PRKN: variants seen among roughly 807,000 people sequenced by gnomAD.
The protein encoded by PRKN is E3 ubiquitin-protein ligase parkin.
Under a neutral mutation model 59.5 loss-of-function variants are expected in PRKN, and 56 were observed. That is an observed-to-expected ratio of 0.94 (90% confidence interval 0.76 to 1.18). PRKN has a LOEUF of 1.18. Among genes scored for constraint, PRKN ranks in the 50% most tolerant of loss-of-function variants. The probability of loss-of-function intolerance (pLI) is 0.00; values close to 1 mark genes in which losing one functional copy is unlikely to be tolerated. For missense variants in PRKN, 657 were observed against 596.4 expected, an observed-to-expected ratio of 1.10 and a Z score of -1.06; for synonymous variants, 250 against 222.1, an observed-to-expected ratio of 1.13 and a Z score of -1.12.
chr6:161,733,959 T>TAC (rs10597403), intron 7 of PRKN, among the ~76,000 whole-genome samples: 1,364 of 133,616 alleles, frequency 0.01, 11 homozygotes, highest in Non-Finnish European at 0.014. Context: ...AAAATTCATT[T>TAC]ACACACACAC....
chr6:161,707,042 C>T (rs1247927875), intron 7 of PRKN, among the ~76,000 whole-genome samples: 1 of 152,092 alleles, frequency 6.6e-6, no homozygotes, highest in Non-Finnish European at 1.5e-5. Flanking sequence ...TCTCATAAAG[C>T]TTTCAATTTT....
At chr6:161,659,443 C>A (rs1217511331) in intron 7 of PRKN, among the ~76,000 whole-genome samples, 1 of 152,084 alleles carries the variant, frequency 6.6e-6, no homozygotes, top group African/African-American at 2.4e-5. Context: ...TGAGACTGTC[C>A]TATTTGTCTA....
Position 161,544,133 on chromosome 6 carries a change from A to C in PRKN, c.1083+4721T>G, listed in dbSNP as rs974022389. 1.3e-5 allele frequency among the ~76,000 whole-genome samples: 2 copies of C among 152,222 alleles called. No homozygotes were observed. The highest frequency in any genetic ancestry group is 4.8e-5 in the African/African-American group (2 of 41,460). ...AATATTCTGTGCTGAGTCAAAACTGAAATCTCAGTTCTCCCAAGAGTAAGA... is the reference window on the plus strand; with the variant it reads ...AATATTCTGTGCTGAGTCAAAACTGCAATCTCAGTTCTCCCAAGAGTAAGA... On this transcript the variant is annotated intron_variant, in intron 9 of 11. Transcript: ENST00000366898. This position sits in a 1 kb window ranked among gnomAD's most constrained non-coding sequence, Gnocchi z 5.5.
At chr6:162,531,940 CAAAA>C (rs35097200) in intron 1 of PRKN, among the ~76,000 whole-genome samples, 48,875 of 106,270 alleles carry the variant, frequency 0.46, 9,608 homozygotes, top group Middle Eastern at 0.6. Flanking sequence ...ACTCTGACTC[CAAAA>C]AAAAAAAAAA....
intron 6 of PRKN, among the ~76,000 whole-genome samples, chr6:161,925,483 A>G (rs1477162845): frequency 6.6e-6 from 1 of 152,056 alleles, no homozygotes; most frequent in Non-Finnish European, 1.5e-5. Context: ...AGGTAAGAGA[A>G]TCGCTTGAGC....
chr6:161,707,196 G>A (rs75898444), intron 7 of PRKN, among the ~76,000 whole-genome samples: 2,078 of 152,216 alleles, frequency 0.014, 55 homozygotes, highest in African/African-American at 0.048. Flanking sequence ...TTGGAAATGT[G>A]GTTACTTGTG....
chr6:162,037,334 G>A (rs1442623459), intron 5 of PRKN, among the ~76,000 whole-genome samples: 2 of 152,152 alleles, frequency 1.3e-5, no homozygotes, highest in African/African-American at 4.8e-5. Context: ...TGTATCTCTT[G>A]ATATGGATAA....
At chr6:162,704,475 C>T (rs892317613) in intron 1 of PRKN, among the ~76,000 whole-genome samples, 6 of 152,100 alleles carry the variant, frequency 3.9e-5, no homozygotes, top group African/African-American at 1.4e-4. Context: ...TACATGAATG[C>T]CTCAGTCTGT....
intron 4 of PRKN, among the ~76,000 whole-genome samples, chr6:162,150,479 G>A (rs1250871032): frequency 6.6e-6 from 1 of 152,156 alleles, no homozygotes; most frequent in Non-Finnish European, 1.5e-5. Flanking sequence ...CAGAGCCCCT[G>A]GCAGGATTCG....
intron 1 of PRKN, among the ~76,000 whole-genome samples, chr6:162,534,311 C>CTGG (rs1778631625): frequency 6.6e-6 from 1 of 152,144 alleles, no homozygotes; most frequent in Non-Finnish European, 1.5e-5. Flanking sequence ...CTTCTTCCTG[C>CTGG]TGGTACCTCT....
intron 1 of PRKN, among the ~76,000 whole-genome samples, chr6:162,502,584 G>T (rs1473994976): frequency 6.8e-6 from 1 of 147,432 alleles, no homozygotes; most frequent in Non-Finnish European, 1.5e-5. Flanking sequence ...TCTTTCAGTT[G>T]AATAATTACA....
chr6:162,451,592 A>AGG (rs1790630954), intron 1 of PRKN, among the ~76,000 whole-genome samples: 1 of 152,070 alleles, frequency 6.6e-6, no homozygotes, highest in Non-Finnish European at 1.5e-5. Flanking sequence ...AGAGAGAGAG[A>AGG]GAATCAAATA....
intron 2 of PRKN, among the ~76,000 whole-genome samples, chr6:162,278,960 T>C (rs184479375): frequency 5.3e-5 from 8 of 151,674 alleles, no homozygotes; most frequent in African/African-American, 2.0e-4. Flanking sequence ...ATAGATTTTT[T>C]TAAAAAATTT....
rs867245159 is a variant in PRKN at position 161,376,754 on chromosome 6, G to C, written c.1167+10040C>G. On this transcript the variant is annotated intron_variant, in intron 10 of 11. Transcript: ENST00000366898. The surrounding 1 kb of genome is among the most constrained non-coding windows in gnomAD (Gnocchi z 7.3). ...AGTCTTCTGTGGCAACCGCACTGCAGTGGGACTCCACCTCTGCCCAACCCT... is the reference window on the plus strand; with the variant it reads ...AGTCTTCTGTGGCAACCGCACTGCACTGGGACTCCACCTCTGCCCAACCCT... Among the ~76,000 whole-genome samples the C allele has an allele frequency of 6.6e-6, 1 of 152,222 alleles. No homozygotes were observed. Among genetic ancestry groups the C allele is most frequent in the Non-Finnish European group, 1.5e-5 (1 of 68,024 alleles).
At chr6:162,206,927 A>T (rs902103266) in intron 3 of PRKN, among the ~76,000 whole-genome samples, 1 of 152,164 alleles carries the variant, frequency 6.6e-6, no homozygotes, top group African/African-American at 2.4e-5. Flanking sequence ...TGGAGAGAGA[A>T]CCCACTTTTC....
intron 3 of PRKN, 83 bp from the exon 4 acceptor site, chr6:162,201,335 C>G: frequency 7.3e-7 from 1 of 1,362,830 alleles, no homozygotes; most frequent in Non-Finnish European, 1.0e-6. Context: ...TTGTTAGAGG[C>G]AAATTTTAAA....
chr6:161,715,535 T>C (rs1308829383), intron 7 of PRKN, among the ~76,000 whole-genome samples: 1 of 152,238 alleles, frequency 6.6e-6, no homozygotes, highest in Non-Finnish European at 1.5e-5. Flanking sequence ...TAGTTTTATG[T>C]TCATTTAAAG....
intron 5 of PRKN, among the ~76,000 whole-genome samples, chr6:161,986,397 C>T (rs571905426): frequency 2.4e-4 from 36 of 152,200 alleles, no homozygotes; most frequent in African/African-American, 8.2e-4. Context: ...TGAGCTAATC[C>T]CCAATTTAGG....
At chr6:162,253,948 T>A (rs1246128307) in intron 3 of PRKN, among the ~76,000 whole-genome samples, 1 of 152,084 alleles carries the variant, frequency 6.6e-6, no homozygotes, top group Non-Finnish European at 1.5e-5. Context: ...ATAAAGAAAT[T>A]ACATGGCAAA....
Sources: gnomAD v4.1 joint callset for allele counts (sites outside exome capture counted in the v4.1 genomes callset) on GRCh38, gnomAD v4.1.1 for gene constraint, Gnocchi (gnomAD v3.1) non-coding constraint, MANE v1.5 for transcripts, NCBI Gene and HGNC (gene_info 2026-07-23, HGNC 2026-07-21) for gene names.